The following OPRM1 variants were observed in gnomAD, a reference collection of about 807,000 sequenced individuals.
OPRM1 encodes opioid receptor mu 1.
In OPRM1, 27 loss-of-function variants were observed where a neutral mutation model predicts 31.8. The ratio of observed to expected loss-of-function variants is 0.85; its 90% CI spans 0.63 to 1.17. The LOEUF (loss-of-function observed/expected upper bound fraction) is 1.17, where lower values mean the gene tolerates loss of function less well. OPRM1 is among the 50% of genes most tolerant of loss of function. The pLI is 0.00. For missense variants in OPRM1, 536 were observed against 511.1 expected (o/e 1.05, Z -0.47); for synonymous variants, 196 against 189.9 (o/e 1.03, Z -0.26).
At position 154,123,014 on chromosome 6, in the gene OPRM1, A is replaced by C. The variant is rs1797387004; in HGVS notation, c.*4293A>C. Among the ~76,000 whole-genome samples, 1 of 152,164 alleles carries C rather than the reference A, an allele frequency of 6.6e-6. No homozygotes were observed. Among genetic ancestry groups the C allele is most frequent in the Non-Finnish European group, 1.5e-5 (1 of 68,022 alleles). On this transcript the variant is annotated 3_prime_UTR_variant, in exon 4 of 4. Transcript: ENST00000330432. ...GCATGGACACAAAGGGTGAGGTTGG[A>C]GCAAAAGTTTAATAAGCAAAAGAGG...
intron 3 of OPRM1, among the ~76,000 whole-genome samples, chr6:154,190,400 G>C (rs9478515): frequency 0.09 from 13,624 of 152,102 alleles, 893 homozygotes; most frequent in African/African-American, 0.18. Flanking sequence ...GCAAAAAAGC[G>C]TATGAAAAGA....
chr6:154,068,510 G>A (rs1562422683), intron 1 of OPRM1, among the ~76,000 whole-genome samples: 1 of 152,054 alleles, frequency 6.6e-6, no homozygotes, highest in Non-Finnish European at 1.5e-5. Context: ...CCTCCAGGTT[G>A]ACCCACGGTC....
At chr6:154,208,417 T>C (rs1194040803) in intron 3 of OPRM1, among the ~76,000 whole-genome samples, 1 of 152,182 alleles carries the variant, frequency 6.6e-6, no homozygotes, top group African/African-American at 2.4e-5. Context: ...CCTCTATTCT[T>C]TGCCACAACC....
At chr6:154,049,784 A>G (rs1031919705) in intron 1 of OPRM1, among the ~76,000 whole-genome samples, 4 of 152,194 alleles carry the variant, frequency 2.6e-5, no homozygotes, top group Non-Finnish European at 5.9e-5. Flanking sequence ...CACATCACAC[A>G]AATTTAAAAT....
intron 3 of OPRM1, among the ~76,000 whole-genome samples, chr6:154,144,464 G>A (rs776823834): frequency 2.4e-4 from 36 of 152,114 alleles, no homozygotes; most frequent in East Asian, 9.6e-4. Context: ...TATACAACAC[G>A]GGCCGGGCAT....
chr6:154,172,254 A>G (rs1799934109), intron 3 of OPRM1, among the ~76,000 whole-genome samples: 1 of 152,216 alleles, frequency 6.6e-6, no homozygotes, highest in African/African-American at 2.4e-5. Context: ...TGCATTCCCA[A>G]CTGAAGTACC....
chr6:154,213,203 G>C, intron 3 of OPRM1: 1 of 250,440 alleles, frequency 4.0e-6, no homozygotes, highest in Non-Finnish European at 8.0e-6. Context: ...CTAATGAATT[G>C]AAACTGGCAG....
chr6:154,044,094 C>T lies in OPRM1; in HGVS notation c.290+4260C>T, dbSNP rs573666441. Among the ~76,000 whole-genome samples, 5 of 152,086 alleles carry T rather than the reference C, an allele frequency of 3.3e-5. No homozygotes were observed. In the South Asian group the frequency reaches 6.2e-4, roughly 19 times the overall value. On this transcript the variant is annotated intron_variant, in intron 1 of 3. Transcript: ENST00000330432. ...TATATAATTACAGAACAATTCTTCTCTTAAAGGATGGATGGATAGATAGAT... is the reference window on the plus strand; with the variant it reads ...TATATAATTACAGAACAATTCTTCTTTTAAAGGATGGATGGATAGATAGAT...
At chr6:154,019,742 CTTTTCTT>C (rs986120534) in intron 1 of OPRM1, among the ~76,000 whole-genome samples, 3 of 131,198 alleles carry the variant, frequency 2.3e-5, no homozygotes, top group African/African-American at 9.8e-5. Flanking sequence ...CTTTTCTTTT[CTTTTCTT>C]TTTTTTTTTT....
At chr6:154,079,506 G>T (rs1484811185) in intron 1 of OPRM1, among the ~76,000 whole-genome samples, 2 of 152,152 alleles carry the variant, frequency 1.3e-5, no homozygotes, top group Non-Finnish European at 2.9e-5. Context: ...GCAGGCAGGG[G>T]CTCGAAATAT....
At chr6:154,111,003 C>T (rs1005650302) in intron 3 of OPRM1, among the ~76,000 whole-genome samples, 30 of 151,332 alleles carry the variant, frequency 2.0e-4, no homozygotes, top group Admixed American at 1.6e-3. Context: ...TAATGACCAA[C>T]GCTTTCTCTT....
chr6:154,168,178 C>A lies in OPRM1; in HGVS notation c.1164+76706C>A. The A allele has an allele frequency of 7.9e-7, 1 of 1,263,856 alleles. No homozygotes were observed. Among genetic ancestry groups the A allele is most frequent in the South Asian group, 1.7e-5 (1 of 60,346 alleles). 78.3% of individuals were successfully genotyped at this position (1,263,856 alleles called of 1,614,324 possible). On this transcript the variant is annotated intron_variant, in intron 3 of 3. Transcript: ENST00000337049. The surrounding 1 kb of genome is among the most constrained non-coding windows in gnomAD (Gnocchi z 4.1). ...AGTGAAAAATCAAGGAGAGAACATTCAATACTGTGGTCCCAAGGCACGGCC... is the reference window on the plus strand; with the variant it reads ...AGTGAAAAATCAAGGAGAGAACATTAAATACTGTGGTCCCAAGGCACGGCC...
intron 3 of OPRM1, among the ~76,000 whole-genome samples, chr6:154,178,162 A>T (rs966581306): frequency 1.1e-4 from 16 of 152,014 alleles, no homozygotes; most frequent in Non-Finnish European, 2.1e-4. Context: ...TGGGGGAGGG[A>T]TAGCGTTAGG....
intron 3 of OPRM1, among the ~76,000 whole-genome samples, chr6:154,232,286 T>C (rs1779784009): frequency 6.6e-6 from 1 of 152,238 alleles, no homozygotes; most frequent in African/African-American, 2.4e-5. Flanking sequence ...CTGTGTTTTA[T>C]TTTCTTCTAG....
At chr6:154,232,563 C>G (rs1583862458) in intron 3 of OPRM1, among the ~76,000 whole-genome samples, 1 of 151,988 alleles carries the variant, frequency 6.6e-6, no homozygotes, top group East Asian at 1.9e-4. Flanking sequence ...AGCAACCAGT[C>G]AAATAATTCT....
At chr6:154,058,842 A>AT (rs1783847977) in intron 1 of OPRM1, among the ~76,000 whole-genome samples, 1 of 152,212 alleles carries the variant, frequency 6.6e-6, no homozygotes, top group African/African-American at 2.4e-5. Context: ...TACACCAACC[A>AT]TTAAGGAAAG....
chr6:154,169,597 G>C (rs758154054), intron 3 of OPRM1, among the ~76,000 whole-genome samples: 16 of 152,184 alleles, frequency 1.1e-4, no homozygotes, highest in Non-Finnish European at 1.5e-4. Context: ...TTGGAGAGAA[G>C]AAACCTGTCT....
intron 3 of OPRM1, among the ~76,000 whole-genome samples, chr6:154,222,589 T>G (rs1169313495): frequency 6.6e-6 from 1 of 152,124 alleles, no homozygotes; most frequent in Non-Finnish European, 1.5e-5. Flanking sequence ...GCTCATGAGA[T>G]CTAAGCAGGT....
At chr6:154,037,435 T>A (rs1482146826), upstream of OPRM1, among the ~76,000 whole-genome samples, 1 of 152,026 alleles carries the variant, frequency 6.6e-6, no homozygotes, top group Non-Finnish European at 1.5e-5. Context: ...CTTTTTTTGT[T>A]GTTGTTTGTT....
Sources: gnomAD v4.1 joint callset for allele counts (sites outside exome capture counted in the v4.1 genomes callset) on GRCh38, gnomAD v4.1.1 for gene constraint, Gnocchi (gnomAD v3.1) non-coding constraint, MANE v1.5 for transcripts, NCBI Gene and HGNC (gene_info 2026-07-23, HGNC 2026-07-21) for gene names.